The following ACVR1 variants were observed in gnomAD, a reference collection of about 807,000 sequenced individuals.
ACVR1 encodes the protein activin A receptor type 1.
A neutral mutation model predicts 57.1 loss-of-function variants in ACVR1; 38 were observed. That is an observed-to-expected ratio of 0.67 (90% CI 0.51 to 0.87). ACVR1 has a LOEUF of 0.87. Among genes scored for constraint, ACVR1 ranks in the 40% least tolerant of loss-of-function variants. ACVR1 has a pLI of 0.00. For missense variants in ACVR1, 463 were observed against 638.2 expected (o/e 0.73, Z 2.96); for synonymous variants, 212 against 228.1 (o/e 0.93, Z 0.63).
At chr2:157,778,623 T>A (rs1032949482) in intron 4 of ACVR1, among the ~76,000 whole-genome samples, 1 of 152,184 alleles carries the variant, frequency 6.6e-6, no homozygotes, top group Non-Finnish European at 1.5e-5. Context: ...ACTGTACAAA[T>A]CTTTGATATT....
chr2:157,824,080 A>T (rs1300130290), intron 1 of ACVR1, among the ~76,000 whole-genome samples: 1 of 152,248 alleles, frequency 6.6e-6, no homozygotes, highest in Non-Finnish European at 1.5e-5. Flanking sequence ...TTTAAGGAGC[A>T]GCTATAAGAA....
At chr2:157,771,683 T>C (rs1248169559) in intron 6 of ACVR1, among the ~76,000 whole-genome samples, 1 of 152,182 alleles carries the variant, frequency 6.6e-6, no homozygotes, top group Non-Finnish European at 1.5e-5. Flanking sequence ...GAAGCAGTTC[T>C]GTCCAGGAGA....
chr2:157,809,580 G>A (rs1326837573), intron 2 of ACVR1, among the ~76,000 whole-genome samples: 2 of 151,832 alleles, frequency 1.3e-5, no homozygotes, highest in Non-Finnish European at 2.9e-5. Flanking sequence ...GAGAGAGACT[G>A]GAGAACGGAT....
intron 8 of ACVR1, among the ~76,000 whole-genome samples, chr2:157,764,408 A>G (rs760303627): frequency 7.7e-5 from 11 of 143,526 alleles, no homozygotes; most frequent in Non-Finnish European, 1.1e-4. Context: ...GGGTTTCATC[A>G]CGTTCGCCAG....
At position 157,737,548 on chromosome 2, in the gene ACVR1, A is replaced by G. The variant is rs3738927; in HGVS notation, c.1513T>C (p.Leu505=). The G allele has an allele frequency of 3.7e-3, 5,958 of 1,614,030 alleles. 153 individuals carry two copies. The African/African-American group carries it at 0.06, about 16-fold the overall frequency. Residue 505 remains leucine (L), a synonymous_variant, in exon 11 of 11, where the codon TTG becomes CTG. Transcript: ENST00000434821. The part of the protein sequence containing the change: ...LTKIDNSLDK[L]KTDC ...TGAAAATGTCAACAGTCAGTTTTCAATTTGTCGAGGGAATTATCAATTTTG... is the reference window on the plus strand; with the variant it reads ...TGAAAATGTCAACAGTCAGTTTTCAGTTTGTCGAGGGAATTATCAATTTTG...
rs1335998731 is a variant in ACVR1, at chr2:157,875,964, C to G, written c.-351G>C. On this transcript the variant is annotated 5_prime_UTR_variant, in exon 1 of 11. Coordinates refer to ENST00000434821, the MANE Select transcript of ACVR1 (RefSeq NM_001111067.4). ...GGGAGCCGGGGGCCGAGGGCCGGCC[C>G]AGAGCGGCGGCGGCTGCGGTGGCTG... 4 of 149,984 alleles carry G rather than the reference C, an allele frequency of 2.7e-5. No individual in the cohort carries two copies. The highest frequency in any genetic ancestry group is 4.9e-5 in the African/African-American group (2 of 40,972). The allele number at this position is 149,984 out of a possible 1,614,324, so 9.3% of individuals were successfully genotyped here.
intron 2 of ACVR1, among the ~76,000 whole-genome samples, chr2:157,816,948 C>G (rs1286458543): frequency 6.6e-6 from 1 of 152,028 alleles, no homozygotes; most frequent in East Asian, 1.9e-4. Context: ...AGCATTTCAT[C>G]CTGGATAGCG....
At position 157,746,792 on chromosome 2, in the gene ACVR1, G is replaced by A. The variant is rs182769354; in HGVS notation, c.1265-8222C>T. Among the ~76,000 whole-genome samples, 181 of 152,306 alleles carry A rather than the reference G, an allele frequency of 1.2e-3. 1 individual carries two copies. The highest frequency in any genetic ancestry group is 2.1e-3 in the Non-Finnish European group (144 of 68,032). On this transcript the variant is annotated intron_variant, in intron 9 of 10. Transcript: ENST00000434821. ...AGTTCATATGGAAAATTCACACAGG[G>A]AAGGTAAGAAAGCCGTTTTCTTTCC...
intron 3 of ACVR1, among the ~76,000 whole-genome samples, chr2:157,784,319 A>C (rs1686632270): frequency 6.6e-6 from 1 of 152,216 alleles, no homozygotes; most frequent in African/African-American, 2.4e-5. Context: ...CAAGGAACAG[A>C]TAATCAGATT....
chr2:157,806,822 T>G (rs1321099086), intron 2 of ACVR1: 1 of 152,212 alleles, frequency 6.6e-6, no homozygotes, highest in Non-Finnish European at 1.5e-5. Flanking sequence ...GAACTGGCAA[T>G]GTGCAAATTG....
intron 6 of ACVR1, 44 bp from the exon 7 acceptor site, chr2:157,770,558 T>G (rs1487695656): frequency 8.7e-6 from 14 of 1,606,654 alleles, no homozygotes; most frequent in Non-Finnish European, 1.1e-5. Context: ...GTAGTCATTT[T>G]GGAGGCAGCC....
chr2:157,851,898 CA>C (rs1198494654), intron 1 of ACVR1, among the ~76,000 whole-genome samples: 62,705 of 102,708 alleles, frequency 0.61, 21,672 homozygotes, highest in Admixed American at 0.74. Flanking sequence ...CACACACACA[CA>C]CACACACACA....
chr2:157,809,714 G>A (rs1304389962), intron 2 of ACVR1, among the ~76,000 whole-genome samples: 1 of 152,128 alleles, frequency 6.6e-6, no homozygotes, highest in Non-Finnish European at 1.5e-5. Flanking sequence ...AAAAATAGGT[G>A]ATGCGCCCAA....
intron 3 of ACVR1, among the ~76,000 whole-genome samples, chr2:157,795,769 G>A (rs1687089419): frequency 6.6e-6 from 1 of 151,796 alleles, no homozygotes; most frequent in African/African-American, 2.4e-5. Context: ...ATGGTTATTA[G>A]CATTGCTCCA....
At position 157,829,569 on chromosome 2, in the gene ACVR1, C is replaced by T. The variant is rs17798522; in HGVS notation, c.-182-11010G>A. 9.8e-3 allele frequency among the ~76,000 whole-genome samples: 1,486 copies of T among 152,290 alleles called. 10 individuals are homozygous for T. Among genetic ancestry groups the T allele is most frequent in the Middle Eastern group, 0.034 (10 of 294 alleles). On this transcript the variant is annotated intron_variant, in intron 1 of 10. Transcript: ENST00000434821. ...TGGCCCCAGACATCTCCAACATCAT[C>T]GAGTTATCATCTCATAGGTACCCTC...
At chr2:157,767,849 A>G (rs1685923769) in intron 7 of ACVR1, among the ~76,000 whole-genome samples, 1 of 152,192 alleles carries the variant, frequency 6.6e-6, no homozygotes, top group Non-Finnish European at 1.5e-5. Context: ...GAGCCAAGAA[A>G]GGTCCCCTAT....
intron 1 of ACVR1, among the ~76,000 whole-genome samples, chr2:157,849,131 T>C (rs1208770943): frequency 2.0e-5 from 3 of 152,178 alleles, no homozygotes; most frequent in East Asian, 3.8e-4. Context: ...TAAATTACTA[T>C]CTGTAATGGA....
chr2:157,855,323 T>TACACAC lies in ACVR1; in HGVS notation c.-183+20467_-183+20472dup, dbSNP rs138199528. Among the ~76,000 whole-genome samples the TACACAC allele has an allele frequency of 2.4e-3, 264 of 108,496 alleles. 2 individuals carry two copies. The highest frequency in any genetic ancestry group is 0.01 in the East Asian group (28 of 2,724). 71.2% of individuals were successfully genotyped at this position (108,496 alleles called of 152,430 possible). Reference sequence around the variant, plus strand: ...GTGTGTGTGTGTATATATATATATATACACACACACACACACACACACAAA... The same window carrying TACACAC: ...GTGTGTGTGTGTATATATATATATATACACACACACACACACACACACACACACAAA... On this transcript the variant is annotated intron_variant, in intron 1 of 10. Coordinates refer to ENST00000434821, the MANE Select transcript of ACVR1 (RefSeq NM_001111067.4).
At chr2:157,831,148 A>G (rs1472434820) in intron 1 of ACVR1, among the ~76,000 whole-genome samples, 1 of 152,188 alleles carries the variant, frequency 6.6e-6, no homozygotes, top group African/African-American at 2.4e-5. Context: ...TCTCAGCCCC[A>G]GACTGTTTAT....
Sources: allele counts gnomAD v4.1 joint callset (sites outside exome capture counted in the v4.1 genomes callset), GRCh38; gene constraint gnomAD v4.1.1; transcripts MANE v1.5; gene names NCBI Gene and HGNC (gene_info 2026-07-23, HGNC 2026-07-21).